DGKI: variants seen among roughly 807,000 people sequenced by gnomAD.
DGKI encodes the protein DAG kinase iota.
DGKI carries 55 observed loss-of-function variants against 147.5 expected under a neutral mutation model. The observed-to-expected ratio is 0.37, with a 90% CI of 0.30 to 0.47. The LOEUF is 0.47. Ranked by LOEUF, DGKI falls within the 20% of genes least tolerant of loss-of-function variation. DGKI has a pLI of 1.00. For missense variants in DGKI, 1,007 were observed against 1,323.8 expected (o/e 0.76, Z 3.71); for synonymous variants, 469 against 477.1 (o/e 0.98, Z 0.22).
intron 1 of DGKI, among the ~76,000 whole-genome samples, chr7:137,773,306 T>C (rs1338248965): frequency 6.6e-6 from 1 of 152,208 alleles, no homozygotes; most frequent in Non-Finnish European, 1.5e-5. Context: ...CATGACACTT[T>C]GGGAAAACCC....
chr7:137,647,983 G>A (rs1270421810), intron 5 of DGKI, among the ~76,000 whole-genome samples: 1 of 152,160 alleles, frequency 6.6e-6, no homozygotes, highest in Non-Finnish European at 1.5e-5. Context: ...CAGACAGGGT[G>A]GCAGCAGAAT....
chr7:137,412,228 A>T (rs1233823844), intron 28 of DGKI, 21 bp from the exon 29 acceptor site: 1 of 1,609,820 alleles, frequency 6.2e-7, no homozygotes, highest in South Asian at 1.1e-5. Flanking sequence ...CAAAAGAGAG[A>T]TGTCCCATTA....
intron 31 of DGKI, chr7:137,396,114 C>T (rs973006766): frequency 2.5e-5 from 4 of 159,988 alleles, no homozygotes; most frequent in African/African-American, 9.6e-5. Flanking sequence ...GCCTCTGGCC[C>T]TTCAGGCACA....
chr7:137,773,771 CA>C (rs1796282321), intron 1 of DGKI, among the ~76,000 whole-genome samples: 1 of 152,030 alleles, frequency 6.6e-6, no homozygotes, highest in Non-Finnish European at 1.5e-5. Context: ...AAAGCTTTTC[CA>C]AAGTTAATCT....
At position 137,527,738 on chromosome 7, in the gene DGKI, C is replaced by A. The variant is rs111747318; in HGVS notation, c.2148-5772G>T. Among the ~76,000 whole-genome samples, 797 of 151,992 alleles carry A rather than the reference C, an allele frequency of 5.2e-3. 13 individuals carry two copies. Among genetic ancestry groups the A allele is most frequent in the African/African-American group, 0.018 (765 of 41,490 alleles). ...ATAGAGTTGTTTTTCTTTTATGAGA[C>A]AGAAAAGCATAACTCTGTCTGCCTT... On this transcript the variant is annotated intron_variant, in intron 20 of 32. Transcript: ENST00000614521.
At chr7:137,529,943 T>C (rs1817283968) in intron 20 of DGKI, among the ~76,000 whole-genome samples, 1 of 152,156 alleles carries the variant, frequency 6.6e-6, no homozygotes, top group Non-Finnish European at 1.5e-5. Context: ...GAGATGGGGT[T>C]TCACCATGTT....
At chr7:137,415,902 T>C (rs1048636950) in intron 28 of DGKI, among the ~76,000 whole-genome samples, 5 of 152,072 alleles carry the variant, frequency 3.3e-5, no homozygotes, top group African/African-American at 1.2e-4. Context: ...GGCAGAGAAC[T>C]GCTTGAACCC....
At chr7:137,582,036 G>T in intron 14 of DGKI, 108 bp from the exon 15 acceptor site, 2 of 742,040 alleles carry the variant, frequency 2.7e-6, no homozygotes, top group Non-Finnish European at 4.4e-6. Context: ...CTAGGAGACA[G>T]ATCAGCCACA....
At chr7:137,816,126 C>T (rs1797728924) in intron 1 of DGKI, among the ~76,000 whole-genome samples, 1 of 152,104 alleles carries the variant, frequency 6.6e-6, no homozygotes, top group Admixed American at 6.5e-5. Context: ...TTATATTTCC[C>T]GTCCATCTAT....
At chr7:137,652,524 C>G (rs1266456590) in intron 5 of DGKI, among the ~76,000 whole-genome samples, 2 of 152,162 alleles carry the variant, frequency 1.3e-5, no homozygotes, top group Non-Finnish European at 2.9e-5. Flanking sequence ...TCAATTGAGT[C>G]ACCACTGAAT....
chr7:137,620,062 A>T (rs1585294254), intron 7 of DGKI, 122 bp from the exon 8 acceptor site: 3 of 656,578 alleles, frequency 4.6e-6, no homozygotes, highest in African/African-American at 3.6e-5. Context: ...CACTCATTAC[A>T]TGCACAAAAA....
intron 1 of DGKI, among the ~76,000 whole-genome samples, chr7:137,741,686 T>C (rs560973915): frequency 3.3e-4 from 51 of 152,312 alleles, no homozygotes; most frequent in Non-Finnish European, 4.0e-4. Context: ...CAAATATCTA[T>C]TTGAATCACT....
chr7:137,601,140 G>A (rs1243650099), intron 10 of DGKI, among the ~76,000 whole-genome samples: 5 of 151,830 alleles, frequency 3.3e-5, no homozygotes, highest in Non-Finnish European at 7.4e-5. Context: ...GCACGGTGGC[G>A]GGCACCTGTA....
In DGKI at chr7:137,571,270, T is replaced by C. The variant is rs1201641936; in HGVS notation, c.1852A>G (p.Met618Val). 1 of 1,612,396 alleles carries C rather than the reference T, an allele frequency of 6.2e-7. No homozygotes were observed. Residue 618 changes from methionine (M) to valine (V), a missense_variant, in exon 19 of 33, where the codon ATG becomes GTG. Met to Val is a conservative substitution (Grantham distance 21, BLOSUM62 1). This residue lies in a region of DGKI where 224 missense variants were observed against 382.7 expected (regional missense o/e 0.59). Coordinates refer to ENST00000614521, the MANE Select transcript of DGKI (RefSeq NM_001321708.2). ...LNIPRYCAGT[M>V]PWGNPGDHHD... is the part of the protein sequence containing the mutation. ...TGATCACCTGGGTTTCCCCAGGGCA[T>C]TGTGCCAGCACAATATCTGCAAGAG... is the stretch of plus-strand genomic sequence containing the variant.
At chr7:137,554,818 C>A (rs1372940696) in intron 19 of DGKI, among the ~76,000 whole-genome samples, 1 of 151,420 alleles carries the variant, frequency 6.6e-6, no homozygotes, top group Non-Finnish European at 1.5e-5. Flanking sequence ...GGAGATCAAG[C>A]GCAAGAGATC....
chr7:137,596,463 G>A (rs1191588509), intron 12 of DGKI, among the ~76,000 whole-genome samples: 2 of 152,136 alleles, frequency 1.3e-5, no homozygotes, highest in African/African-American at 2.4e-5. Context: ...ACTAAAGAAA[G>A]TTGGGAAATT....
chr7:137,512,084 A>G (rs1185384539), intron 21 of DGKI, among the ~76,000 whole-genome samples: 1 of 152,232 alleles, frequency 6.6e-6, no homozygotes, highest in East Asian at 1.9e-4. Context: ...TCAGTCTCAC[A>G]GTCTGTTTCC....
chr7:137,846,161 TCACACACACACACA>T lies in DGKI; in HGVS notation c.401+287_401+300del, dbSNP rs58484819. ...CTCTCTCTCTCTCTCTCTCTCTCTC[TCACACACACACACA>T]CACACACACACACACACACACACAC... is the stretch of plus-strand genomic sequence containing the variant. On this transcript the variant is annotated intron_variant, in intron 1 of 32. Transcript: ENST00000614521. The surrounding 1 kb of genome is among the most constrained non-coding windows in gnomAD (Gnocchi z 4.0). Among the ~76,000 whole-genome samples, 255 of 108,212 alleles carry T rather than the reference TCACACACACACACA, an allele frequency of 2.4e-3. No individual in the cohort carries two copies. Among genetic ancestry groups the T allele is most frequent in the African/African-American group, 8.9e-3 (231 of 25,982 alleles). The allele number at this position is 108,212 out of a possible 152,430, so 71.0% of individuals were successfully genotyped here.
At chr7:137,664,580 T>C (rs922094274) in intron 3 of DGKI, among the ~76,000 whole-genome samples, 2 of 152,264 alleles carry the variant, frequency 1.3e-5, no homozygotes, top group African/African-American at 2.4e-5. Context: ...ATAGACTGCG[T>C]AGAGTTAAAA....
Sources: allele counts gnomAD v4.1 joint callset (sites outside exome capture counted in the v4.1 genomes callset), GRCh38; gene constraint gnomAD v4.1.1; regional missense constraint gnomAD v4.1.1; non-coding constraint Gnocchi (gnomAD v3.1); transcripts MANE v1.5; gene names NCBI Gene and HGNC (gene_info 2026-07-23, HGNC 2026-07-21).